ST6GALNAC3: variants seen among roughly 807,000 people sequenced by gnomAD.
The protein encoded by ST6GALNAC3 is alpha-N-acetylgalactosaminide alpha-2,6-sialyltransferase 3.
A neutral mutation model predicts 32.7 loss-of-function variants in ST6GALNAC3; 25 were observed. The observed-to-expected ratio is 0.76, with a 90% CI of 0.56 to 1.07. The LOEUF (loss-of-function observed/expected upper bound fraction) is 1.07, where lower values mean the gene tolerates loss of function less well. ST6GALNAC3 is among the 50% of genes least tolerant of loss of function. The pLI is 0.00. For missense variants in ST6GALNAC3, 355 were observed against 382.4 expected, an observed-to-expected ratio of 0.93 and a Z score of 0.60; for synonymous variants, 129 against 133.1, an observed-to-expected ratio of 0.97 and a Z score of 0.21.
intron 1 of ST6GALNAC3, among the ~76,000 whole-genome samples, chr1:76,203,431 A>G (rs952736625): frequency 6.6e-6 from 1 of 152,316 alleles, no homozygotes; most frequent in African/African-American, 2.4e-5. Context: ...GGCTCTCCAG[A>G]TGATTCTGTT....
chr1:76,285,470 G>A (rs4086568), intron 1 of ST6GALNAC3, among the ~76,000 whole-genome samples: 72,095 of 151,434 alleles, frequency 0.48, 17,471 homozygotes, highest in African/African-American at 0.55. Context: ...CCTTGGGGCC[G>A]TGGCAGTTTT....
At chr1:76,310,253 GGTCTAT>G (rs1646734001) in intron 1 of ST6GALNAC3, among the ~76,000 whole-genome samples, 1 of 152,064 alleles carries the variant, frequency 6.6e-6, no homozygotes, top group Admixed American at 6.5e-5. Flanking sequence ...CATCTGTTCT[GGTCTAT>G]GTCCCTTTAA....
At chr1:76,445,305 A>G (rs1656894351) in intron 3 of ST6GALNAC3, among the ~76,000 whole-genome samples, 1 of 152,160 alleles carries the variant, frequency 6.6e-6, no homozygotes, top group African/African-American at 2.4e-5. Context: ...TGGGTACATG[A>G]TAGATATGCA....
At chr1:76,174,622 C>G (rs1268167099) in intron 1 of ST6GALNAC3, among the ~76,000 whole-genome samples, 2 of 151,060 alleles carry the variant, frequency 1.3e-5, no homozygotes, top group South Asian at 2.1e-4. Flanking sequence ...AGATTTTTTT[C>G]CATGTCAATA....
intron 2 of ST6GALNAC3, chr1:76,354,163 T>A (rs963840673): frequency 2.0e-5 from 3 of 152,912 alleles, no homozygotes; most frequent in African/African-American, 7.2e-5. Context: ...CCACTGCTCC[T>A]GCTGCTATGA....
At chr1:76,266,350 C>T (rs945818182) in intron 1 of ST6GALNAC3, among the ~76,000 whole-genome samples, 6 of 152,234 alleles carry the variant, frequency 3.9e-5, no homozygotes, top group African/African-American at 1.4e-4. Context: ...ACTTCCAAGT[C>T]TTTACTGCCG....
chr1:76,488,599 TA>T (rs1050474770), intron 3 of ST6GALNAC3, among the ~76,000 whole-genome samples: 2 of 152,176 alleles, frequency 1.3e-5, no homozygotes, highest in African/African-American at 4.8e-5. Flanking sequence ...ATTTGTTGAA[TA>T]AATAAATTCA....
At chr1:76,168,039 G>A (rs768034397) in intron 1 of ST6GALNAC3, among the ~76,000 whole-genome samples, 3 of 151,908 alleles carry the variant, frequency 2.0e-5, no homozygotes, top group Non-Finnish European at 4.4e-5. Context: ...CTTTGGGATT[G>A]TTTGCTCTAG....
At chr1:76,520,724 C>T (rs1662476326) in intron 3 of ST6GALNAC3, among the ~76,000 whole-genome samples, 1 of 152,046 alleles carries the variant, frequency 6.6e-6, no homozygotes, top group South Asian at 2.1e-4. Flanking sequence ...GGACGGACAC[C>T]TTATCACTGT....
Position 76,634,330 on chromosome 1 carries a change from G to C in ST6GALNAC3, c.*5524G>C, listed in dbSNP as rs1570499971. On this transcript the variant is annotated 3_prime_UTR_variant, in exon 5 of 5. Coordinates refer to ENST00000328299, the MANE Select transcript of ST6GALNAC3 (RefSeq NM_152996.4). ...AGCTTTTTGTTACCTAATCTACAAA[G>C]TACTAATTTCCTTGTGTTTAGCTTT... 5.0e-6 allele frequency: 1 copy of C among 201,558 alleles called. No homozygotes were observed. Among genetic ancestry groups the C allele is most frequent in the African/African-American group, 2.4e-5 (1 of 42,246 alleles). The allele number at this position is 201,558 out of a possible 1,614,324, so 12.5% of individuals were successfully genotyped here. A position where few individuals can be genotyped will look rare whatever the true frequency, so the allele number is the denominator to read the frequency against.
intron 3 of ST6GALNAC3, among the ~76,000 whole-genome samples, chr1:76,428,527 T>C (rs974712129): frequency 1.3e-5 from 2 of 152,102 alleles, no homozygotes; most frequent in African/African-American, 4.8e-5. Flanking sequence ...TGTTGTTCTT[T>C]CCACGTTATT....
At chr1:76,301,965 G>A (rs951300566) in intron 1 of ST6GALNAC3, among the ~76,000 whole-genome samples, 1 of 151,916 alleles carries the variant, frequency 6.6e-6, no homozygotes, top group Non-Finnish European at 1.5e-5. Flanking sequence ...TGGACTTCTG[G>A]TTATGCCTCC....
chr1:76,164,935 G>A (rs1047401577), intron 1 of ST6GALNAC3, among the ~76,000 whole-genome samples: 2 of 152,156 alleles, frequency 1.3e-5, no homozygotes, highest in African/African-American at 4.8e-5. Context: ...ACTAAAATGT[G>A]TGTGTGTGTT....
chr1:76,434,294 A>G (rs565468489), intron 3 of ST6GALNAC3, among the ~76,000 whole-genome samples: 8 of 152,326 alleles, frequency 5.3e-5, no homozygotes, highest in African/African-American at 1.9e-4. Context: ...GAGTGTTTAA[A>G]TTCACAGTCC....
intron 1 of ST6GALNAC3, among the ~76,000 whole-genome samples, chr1:76,223,729 G>A (rs1224568537): frequency 1.3e-5 from 2 of 152,002 alleles, no homozygotes; most frequent in Non-Finnish European, 2.9e-5. Flanking sequence ...AGGGCTTTCT[G>A]TCTTCCTATT....
rs1283413217 is a variant in ST6GALNAC3 at position 76,623,928 on chromosome 1, T to C, written c.624-3524T>C. On this transcript the variant is annotated intron_variant, in intron 3 of 4. Coordinates refer to ENST00000328299, the MANE Select transcript of ST6GALNAC3 (RefSeq NM_152996.4). ...GCATTTATTTGGAAGAATTCCTGGATTCATCCAGAAGTTGTCATTATTCCA... is the reference window on the plus strand; with the variant it reads ...GCATTTATTTGGAAGAATTCCTGGACTCATCCAGAAGTTGTCATTATTCCA... 2.0e-5 allele frequency among the ~76,000 whole-genome samples: 3 copies of C among 151,934 alleles called. No homozygotes were observed. In the East Asian group the frequency reaches 5.8e-4, roughly 29 times the overall value.
chr1:76,416,833 G>C (rs1654670572), intron 3 of ST6GALNAC3, among the ~76,000 whole-genome samples: 1 of 151,874 alleles, frequency 6.6e-6, no homozygotes, highest in Non-Finnish European at 1.5e-5. Context: ...TCACCATATT[G>C]ACCAGGCTAG....
chr1:76,576,916 A>T, intron 3 of ST6GALNAC3: 1 of 1,297,698 alleles, frequency 7.7e-7, no homozygotes, highest in Non-Finnish European at 1.0e-6. Flanking sequence ...CCACCACAAA[A>T]GGAAGGAAGG....
Position 76,283,229 on chromosome 1 carries a change from T to C in ST6GALNAC3, c.19-30576T>C, listed in dbSNP as rs1659598230. Among the ~76,000 whole-genome samples, 3 of 152,146 alleles carry C rather than the reference T, an allele frequency of 2.0e-5. No individual in the cohort carries two copies. The South Asian group carries it at 6.2e-4, about 32-fold the overall frequency. On this transcript the variant is annotated intron_variant, in intron 1 of 4. Coordinates refer to ENST00000328299, the MANE Select transcript of ST6GALNAC3 (RefSeq NM_152996.4). Reference sequence around the variant, plus strand: ...GTTTCTATATTATTATTTGTTGATGTTACAGAGTATAGAAAATTGGCTTTT... The same window carrying C: ...GTTTCTATATTATTATTTGTTGATGCTACAGAGTATAGAAAATTGGCTTTT...
Sources: gnomAD v4.1 joint callset for allele counts (sites outside exome capture counted in the v4.1 genomes callset) on GRCh38, gnomAD v4.1.1 for gene constraint, MANE v1.5 for transcripts, NCBI Gene and HGNC (gene_info 2026-07-23, HGNC 2026-07-21) for gene names.